The following WDFY4 variants were observed in gnomAD, a reference collection of about 807,000 sequenced individuals.
WDFY4 encodes the protein WDFY family member 4, also known as WD repeat- and FYVE domain-containing protein 4.
Under a neutral mutation model 351.9 loss-of-function variants are expected in WDFY4, and 169 were observed. The ratio of observed to expected loss-of-function variants is 0.48; its 90% CI spans 0.42 to 0.55. The LOEUF (loss-of-function observed/expected upper bound fraction) is 0.55. Among genes scored for constraint, WDFY4 ranks in the 20% least tolerant of loss-of-function variants. The pLI is 0.00. For synonymous variants in WDFY4, 1,622 were observed against 1,574.6 expected (o/e 1.03, Z -0.71); for missense variants, 3,803 against 3,935.6 (o/e 0.97, Z 0.90).
intron 47 of WDFY4, among the ~76,000 whole-genome samples, chr10:48,935,394 T>C (rs45564936): frequency 0.012 from 1,802 of 152,354 alleles, 22 homozygotes; most frequent in African/African-American, 0.03. Context: ...ATTCCTGCAG[T>C]TGGGCTTTTC....
intron 5 of WDFY4, among the ~76,000 whole-genome samples, chr10:48,723,904 G>A (rs73306151): frequency 6.6e-6 from 1 of 151,866 alleles, no homozygotes; most frequent in Admixed American, 6.6e-5. Flanking sequence ...AGTGAGCATG[G>A]GGTCTGGGGT....
At position 48,918,184 on chromosome 10, in the gene WDFY4, G is replaced by A. The variant is rs144195754; in HGVS notation, c.7586+16321G>A. On this transcript the variant is annotated intron_variant, in intron 47 of 61. Transcript: ENST00000325239. ...AAGGCAGGAAAAGGGAACAGAAGGAGCAAACAGACAACAACTATTAAAATG... is the reference window on the plus strand; with the variant it reads ...AAGGCAGGAAAAGGGAACAGAAGGAACAAACAGACAACAACTATTAAAATG... 2.2e-3 allele frequency among the ~76,000 whole-genome samples: 332 copies of A among 152,194 alleles called. 1 individual carries two copies. Among genetic ancestry groups the A allele is most frequent in the Non-Finnish European group, 3.7e-3 (250 of 67,982 alleles).
rs201302434 is a variant in WDFY4 at position 48,982,773 on chromosome 10, C to A, written c.*198C>A. 1.9e-5 allele frequency: 12 copies of A among 618,144 alleles called. No homozygotes were observed. The East Asian group carries it at 4.2e-4, about 22-fold the overall frequency. 38.3% of individuals were successfully genotyped at this position (618,144 alleles called of 1,614,324 possible). A position where few individuals can be genotyped will look rare whatever the true frequency, so the allele number is the denominator to read the frequency against. On this transcript the variant is annotated 3_prime_UTR_variant, in exon 62 of 62. Transcript: ENST00000325239. ...ATGGGACTTCTATGAAAAGGATGAG[C>A]ACACACACTCGGAGGGCTGAGCAGC...
At chr10:48,844,054 G>A (rs557041527) in intron 39 of WDFY4, among the ~76,000 whole-genome samples, 8 of 152,326 alleles carry the variant, frequency 5.3e-5, no homozygotes, top group South Asian at 2.1e-4. Flanking sequence ...ACTCACAGCC[G>A]GGCCGCCTGG....
chr10:48,787,807 C>CTCCTCCTCCTCTTCT (rs796166984), intron 20 of WDFY4, among the ~76,000 whole-genome samples: 7 of 76,682 alleles, frequency 9.1e-5, no homozygotes, highest in African/African-American at 3.2e-4. Context: ...CCTCCTCCTC[C>CTCCTCCTCCTCTTCT]TCTTCTTCTT....
Position 48,943,293 on chromosome 10 carries a change from C to A in WDFY4, c.7630-37C>A, listed in dbSNP as rs1372078817. The A allele has an allele frequency of 3.9e-6, 6 of 1,548,686 alleles. No homozygotes were observed. In the East Asian group the frequency reaches 1.5e-4, roughly 38 times the overall value. ...CCCATGGCTTTGCAGGAGCATCAAA[C>A]GTATTTGGTTTATCCCCTTTCTGTC... On this transcript the variant is annotated intron_variant, in intron 48 of 61. Coordinates refer to ENST00000325239, the MANE Select transcript of WDFY4 (RefSeq NM_001394531.1).
At chr10:48,869,589 C>G (rs920033388) in intron 40 of WDFY4, among the ~76,000 whole-genome samples, 1 of 151,736 alleles carries the variant, frequency 6.6e-6, no homozygotes, top group Non-Finnish European at 1.5e-5. Context: ...GTTGCCTCTA[C>G]AGTCTGGCCC....
At chr10:48,938,095 T>C (rs771313852) in intron 47 of WDFY4, among the ~76,000 whole-genome samples, 3 of 152,250 alleles carry the variant, frequency 2.0e-5, no homozygotes, top group South Asian at 4.1e-4. Context: ...TTTCTTCTCA[T>C]TGTGGCTTGC....
rs1314061981 is a variant in WDFY4 at position 48,817,270 on chromosome 10, C to T, written c.5366C>T (p.Ala1789Val). ...CCCCTGGCAGGTTCTGAGGATGGTGCCTGGGCACAGACCTTCCCGGCCAGC... is the reference window on the plus strand; with the variant it reads ...CCCCTGGCAGGTTCTGAGGATGGTGTCTGGGCACAGACCTTCCCGGCCAGC... ...SQPLAGSEDG[A>V]WAQTFPASVL... The change falls in exon 32 of 62, where the codon GCC becomes GTC. Residue 1789 changes from alanine to valine, a missense_variant. Transcript: ENST00000325239. 1 of 1,551,604 alleles carries T rather than the reference C, an allele frequency of 6.4e-7. No individual in the cohort carries two copies. Among genetic ancestry groups the T allele is most frequent in the African/African-American group, 1.4e-5 (1 of 73,072 alleles).
At chr10:48,902,389 A>G (rs950673579) in intron 47 of WDFY4, among the ~76,000 whole-genome samples, 1 of 152,150 alleles carries the variant, frequency 6.6e-6, no homozygotes, top group Admixed American at 6.5e-5. Context: ...AGTTCTCTGG[A>G]AGGCCACTTA....
intron 47 of WDFY4, among the ~76,000 whole-genome samples, chr10:48,902,462 C>T (rs1297840810): frequency 6.6e-6 from 1 of 152,006 alleles, no homozygotes; most frequent in Non-Finnish European, 1.5e-5. Flanking sequence ...AGCTGGTTTT[C>T]TACAGGAATG....
intron 10 of WDFY4, 59 bp downstream of exon 10, chr10:48,734,094 GT>G (rs1264694168): frequency 4.2e-6 from 6 of 1,432,310 alleles, no homozygotes; most frequent in Non-Finnish European, 5.8e-6. Context: ...CTCTTTCCTG[GT>G]TATTTATGGC....
intron 39 of WDFY4, among the ~76,000 whole-genome samples, chr10:48,849,592 G>A (rs2068891178): frequency 6.6e-6 from 1 of 152,198 alleles, no homozygotes; most frequent in Non-Finnish European, 1.5e-5. Flanking sequence ...GGTTCACAGT[G>A]GGGGTTAGGA....
intron 47 of WDFY4, among the ~76,000 whole-genome samples, 182 bp downstream of exon 47, chr10:48,902,045 C>G (rs1817232247): frequency 6.6e-6 from 1 of 152,246 alleles, no homozygotes; most frequent in Non-Finnish European, 1.5e-5. Flanking sequence ...GCCAGTTAAA[C>G]CTCTGTGAAC....
At chr10:48,821,967 C>T (rs2067838297) in intron 34 of WDFY4, among the ~76,000 whole-genome samples, 1 of 152,206 alleles carries the variant, frequency 6.6e-6, no homozygotes, top group Non-Finnish European at 1.5e-5. Flanking sequence ...GATCATCACA[C>T]ACATGGCTGA....
rs1360898398 is a variant in WDFY4, at chr10:48,981,400, G to A, written c.9410G>A (p.Arg3137Gln). Reference sequence around the variant, plus strand: ...TGGGAGAAGAACCTGGCCTTGAGTCGAGAGCTGGACGTTAGCATTGCTTTG... The same window carrying A: ...TGGGAGAAGAACCTGGCCTTGAGTCAAGAGCTGGACGTTAGCATTGCTTTG... ...HKWEKNLALS[R>Q]ELDVSIALTG... Residue 3137 changes from arginine (R) to glutamine (Q), a missense_variant, in exon 61 of 62, where the codon CGA becomes CAA. This residue lies in a region of WDFY4 where 3,054 missense variants were observed against 3,148.6 expected (regional missense o/e 0.97). Transcript: ENST00000325239. The A allele has an allele frequency of 7.1e-6, 11 of 1,551,772 alleles. No individual in the cohort carries two copies. The highest frequency in any genetic ancestry group is 9.6e-6 in the Non-Finnish European group (11 of 1,147,008).
intron 30 of WDFY4, among the ~76,000 whole-genome samples, chr10:48,813,643 TA>T (rs1565228513): frequency 6.6e-6 from 1 of 152,226 alleles, no homozygotes; most frequent in African/African-American, 2.4e-5. Flanking sequence ...TTGAATTCTT[TA>T]TATGTCTTAT....
chr10:48,809,687 A>G (rs2067384745), intron 28 of WDFY4, among the ~76,000 whole-genome samples: 2 of 152,222 alleles, frequency 1.3e-5, no homozygotes, highest in African/African-American at 4.8e-5. Flanking sequence ...CAACATCATC[A>G]CCATCATTAT....
intron 11 of WDFY4, among the ~76,000 whole-genome samples, chr10:48,740,655 G>A (rs1403668367): frequency 6.6e-6 from 1 of 152,194 alleles, no homozygotes; most frequent in Non-Finnish European, 1.5e-5. Context: ...AATTCAGAAA[G>A]AATTAGGCCA....
Sources: gnomAD v4.1 joint callset for allele counts (sites outside exome capture counted in the v4.1 genomes callset) on GRCh38, gnomAD v4.1.1 for gene constraint, gnomAD v4.1.1 regional missense constraint, MANE v1.5 for transcripts, NCBI Gene and HGNC (gene_info 2026-07-23, HGNC 2026-07-21) for gene names.